Variants in NDRG4 observed in about 807,000 individuals in gnomAD.
NDRG4 encodes protein NDRG4.
In NDRG4, 38 loss-of-function variants were observed where a neutral mutation model predicts 55.8. The ratio of observed to expected loss-of-function variants is 0.68; its 90% confidence interval spans 0.53 to 0.89. The LOEUF is 0.89. Among genes scored for constraint, NDRG4 ranks in the 40% least tolerant of loss-of-function variants. The probability of loss-of-function intolerance (pLI) is 0.00; values close to 1 mark genes in which losing one functional copy is unlikely to be tolerated. For missense variants in NDRG4, 455 were observed against 468.6 expected, an observed-to-expected ratio of 0.97 and a Z score of 0.27; for synonymous variants, 190 against 182.7, an observed-to-expected ratio of 1.04 and a Z score of -0.32.
chr16:58,468,037 C>A (rs931519876), intron 1 of NDRG4, among the ~76,000 whole-genome samples: 1 of 152,186 alleles, frequency 6.6e-6, no homozygotes, highest in East Asian at 1.9e-4. Flanking sequence ...GTCTCAGGTT[C>A]CTGTGAGTCA....
intron 1 of NDRG4, among the ~76,000 whole-genome samples, chr16:58,466,103 G>T (rs561181878): frequency 6.6e-6 from 1 of 152,314 alleles, no homozygotes; most frequent in East Asian, 1.9e-4. Flanking sequence ...TGCAGCGTCC[G>T]TCTCCCAGGA....
At chr16:58,468,821 G>A (rs754697405) in intron 1 of NDRG4, among the ~76,000 whole-genome samples, 6 of 152,314 alleles carry the variant, frequency 3.9e-5, no homozygotes, top group African/African-American at 1.4e-4. Flanking sequence ...CAGATTCCTG[G>A]TGCCTTCGGT....
At chr16:58,482,556 G>A (rs1241242114) in intron 1 of NDRG4, among the ~76,000 whole-genome samples, 1 of 152,120 alleles carries the variant, frequency 6.6e-6, no homozygotes, top group African/African-American at 2.4e-5. Flanking sequence ...GGCACTGAAT[G>A]TAGGACCCCC....
At chr16:58,483,741 A>G (rs1359077743) in intron 1 of NDRG4, among the ~76,000 whole-genome samples, 2 of 152,252 alleles carry the variant, frequency 1.3e-5, no homozygotes, top group African/African-American at 4.8e-5. Flanking sequence ...TTTTTGTTCC[A>G]TTCAAATATG....
At chr16:58,506,870 G>GTCTGCCCC in intron 7 of NDRG4, 42 bp from the exon 8 acceptor site, 1 of 1,567,062 alleles carries the variant, frequency 6.4e-7, no homozygotes, top group Non-Finnish European at 8.8e-7. Context: ...GCGTCCCTCT[G>GTCTGCCCC]TCTGCCCCTC....
chr16:58,515,053 C>T (rs2039071332), downstream of NDRG4, among the ~76,000 whole-genome samples: 1 of 152,218 alleles, frequency 6.6e-6, no homozygotes, highest in African/African-American at 2.4e-5. Context: ...GCCCTCTAGG[C>T]CACGCCACTC....
chr16:58,485,185 T>C (rs1489278967), intron 1 of NDRG4, among the ~76,000 whole-genome samples: 6 of 152,130 alleles, frequency 3.9e-5, no homozygotes, highest in Non-Finnish European at 7.4e-5. Context: ...GCCCGGCCCA[T>C]AACTTTCTTT....
At chr16:58,495,926 G>A (rs2036352434), upstream of NDRG4, among the ~76,000 whole-genome samples, 1 of 152,206 alleles carries the variant, frequency 6.6e-6, no homozygotes, top group Admixed American at 6.5e-5. Flanking sequence ...GGATGGGAGG[G>A]AAGTGGTCGG....
At chr16:58,495,946 C>T (rs1027825304), upstream of NDRG4, among the ~76,000 whole-genome samples, 1 of 152,146 alleles carries the variant, frequency 6.6e-6, no homozygotes, top group African/African-American at 2.4e-5. Flanking sequence ...GGAGCTGGCC[C>T]AGGCTGGTGG....
chr16:58,464,851 G>T lies in NDRG4; in HGVS notation c.-24+1054G>T. On this transcript the variant is annotated intron_variant, in intron 1 of 15. Coordinates refer to the NDRG4 transcript ENST00000258187. The surrounding 1 kb of genome is among the most constrained non-coding windows in gnomAD (Gnocchi z 4.8). ...CGCGCCATGGACCTCTTATTTCTGCGCCCTGTGACAATCTGAGCCGTCTTT... is the reference window on the plus strand; with the variant it reads ...CGCGCCATGGACCTCTTATTTCTGCTCCCTGTGACAATCTGAGCCGTCTTT... 3.3e-6 allele frequency: 4 copies of T among 1,216,732 alleles called. No homozygotes were observed. The highest frequency in any genetic ancestry group is 4.1e-6 in the Non-Finnish European group (4 of 967,174). 75.4% of individuals were successfully genotyped at this position (1,216,732 alleles called of 1,614,324 possible).
chr16:58,490,389 C>T (rs1483113128), intron 2 of NDRG4, among the ~76,000 whole-genome samples: 2 of 152,148 alleles, frequency 1.3e-5, no homozygotes, highest in African/African-American at 4.8e-5. Flanking sequence ...TTCCACTGCC[C>T]ACCTCAGCTG....
At chr16:58,475,535 A>G (rs532998869) in intron 1 of NDRG4, 3 of 443,702 alleles carry the variant, frequency 6.8e-6, no homozygotes, top group African/African-American at 6.1e-5. Flanking sequence ...AGTTTAGATT[A>G]GCTTCAGCTG....
chr16:58,481,687 T>C (rs2034419859), intron 1 of NDRG4, among the ~76,000 whole-genome samples: 1 of 152,124 alleles, frequency 6.6e-6, no homozygotes, highest in Non-Finnish European at 1.5e-5. Flanking sequence ...AAGCATGCAC[T>C]CTGGGTCCCC....
Position 58,512,358 on chromosome 16 carries a change from G to C in NDRG4, c.*782G>C, listed in dbSNP as rs1440621967. 1 of 323,078 alleles carries C rather than the reference G, an allele frequency of 3.1e-6. No individual in the cohort carries two copies. Among genetic ancestry groups the C allele is most frequent in the African/African-American group, 2.3e-5 (1 of 44,322 alleles). The allele number at this position is 323,078 out of a possible 1,614,324, so 20.0% of individuals were successfully genotyped here. A position where few individuals can be genotyped will look rare whatever the true frequency, so the allele number is the denominator to read the frequency against. ...CTGGGGGTGAGGGAGAAGGAGGAGA[G>C]AGCCCATGTGTGGTGTGTGTGCCCC... On this transcript the variant is annotated 3_prime_UTR_variant, in exon 15 of 15. Coordinates refer to ENST00000570248, the MANE Select transcript of NDRG4 (RefSeq NM_001242835.2).
upstream of NDRG4, among the ~76,000 whole-genome samples, chr16:58,498,892 G>A (rs2036709499): frequency 6.6e-6 from 1 of 152,192 alleles, no homozygotes; most frequent in South Asian, 2.1e-4. Flanking sequence ...GTGACCTTGG[G>A]CAAGTCAGTC....
chr16:58,475,573 T>G lies in NDRG4; in HGVS notation c.-24+11776T>G, dbSNP rs1208080515. On this transcript the variant is annotated intron_variant, in intron 1 of 15. Transcript: ENST00000258187. ...TGTAACAGAAAACCCATGGTAATAA[T>G]AAGTAAGATAAAAGTATTTTTTTCT... The G allele has an allele frequency of 1.1e-5, 5 of 454,702 alleles. No individual in the cohort carries two copies. In the East Asian group the frequency reaches 2.8e-4, roughly 25 times the overall value. 28.2% of individuals were successfully genotyped at this position (454,702 alleles called of 1,614,324 possible).
chr16:58,500,963 G>T (rs377482279), intron 1 of NDRG4: 123 of 1,235,552 alleles, frequency 1.0e-4, no homozygotes, highest in South Asian at 8.7e-4. Context: ...ACGAGGAGGG[G>T]TTGCCTGCCT....
intron 1 of NDRG4, among the ~76,000 whole-genome samples, chr16:58,485,138 C>T (rs2034942768): frequency 6.6e-6 from 1 of 152,114 alleles, no homozygotes; most frequent in African/African-American, 2.4e-5. Flanking sequence ...CTGCCTTGGC[C>T]TCCCAAAGTG....
chr16:58,489,843 CTTTT>C (rs1268112596), intron 2 of NDRG4, among the ~76,000 whole-genome samples: 1 of 151,616 alleles, frequency 6.6e-6, no homozygotes, highest in Non-Finnish European at 1.5e-5. Flanking sequence ...TTCTTTCTTT[CTTTT>C]TTTTTCTTTT....
Sources: gnomAD v4.1 joint callset for allele counts (sites outside exome capture counted in the v4.1 genomes callset) on GRCh38, gnomAD v4.1.1 for gene constraint, Gnocchi (gnomAD v3.1) non-coding constraint, MANE v1.5 for transcripts, NCBI Gene and HGNC (gene_info 2026-07-23, HGNC 2026-07-21) for gene names.